The following DMD variants were observed in gnomAD, a reference collection of about 807,000 sequenced individuals.
DMD encodes the protein dystrophin.
Under a neutral mutation model 330.1 loss-of-function variants are expected in DMD, and 63 were observed. The ratio of observed to expected loss-of-function variants is 0.19; its 90% CI spans 0.16 to 0.24. The LOEUF (loss-of-function observed/expected upper bound fraction) is 0.24. DMD is among the 10% of genes least tolerant of loss of function. The pLI, the probability that DMD is intolerant of heterozygous loss-of-function variation, is 1.00. For synonymous variants in DMD, 1,223 were observed against 959.8 expected (o/e 1.27, Z -5.07); for missense variants, 3,344 against 2,684.1 (o/e 1.25, Z -5.43).
intron 44 of DMD, among the ~76,000 whole-genome samples, chrX:32,194,614 C>T (rs1388145660): frequency 9.0e-6 from 1 of 111,210 alleles, no homozygotes; most frequent in African/African-American, 3.3e-5. Flanking sequence ...GAGGGAATGA[C>T]TGCATTTCAT....
intron 53 of DMD, among the ~76,000 whole-genome samples, chrX:31,676,469 G>A (rs953458339): frequency 9.9e-5 from 11 of 110,645 alleles, no homozygotes; most frequent in South Asian, 3.8e-4. Flanking sequence ...ATTTTTTTTC[G>A]CAGTATACTA....
At chrX:32,463,366 C>A in intron 25 of DMD, 73 bp downstream of exon 25, 17 of 990,819 alleles carry the variant, frequency 1.7e-5, no homozygotes, top group Non-Finnish European at 2.0e-5. Context: ...CCAAAAGTAA[C>A]GGTGAAGGGA....
At chrX:32,385,513 AG>A (rs1429964858) in intron 33 of DMD, among the ~76,000 whole-genome samples, 1 of 111,008 alleles carries the variant, frequency 9.0e-6, no homozygotes, top group Non-Finnish European at 1.9e-5. Flanking sequence ...TGACTCCCAA[AG>A]CACAGGCAAC....
At chrX:31,357,063 G>A (rs150410017) in intron 60 of DMD, among the ~76,000 whole-genome samples, 394 of 109,632 alleles carry the variant, frequency 3.6e-3, no homozygotes, top group Non-Finnish European at 5.4e-3. Flanking sequence ...TGTATCTCAT[G>A]ATTTGCAACA....
At chrX:31,717,366 G>GA (rs11421027) in intron 52 of DMD, among the ~76,000 whole-genome samples, 15,237 of 110,742 alleles carry the variant, frequency 0.14, 918 homozygotes, top group Admixed American at 0.31. Context: ...CAGACATTAA[G>GA]AAAAAAATGA....
In DMD at chrX:31,121,434, GTGTGTGTA is replaced by G. The variant is rs761492552; in HGVS notation, c.*477_*484del. 2,678 of 107,065 alleles carry G rather than the reference GTGTGTGTA, an allele frequency of 0.025. 29 individuals are homozygous for G. Among genetic ancestry groups the G allele is most frequent in the Non-Finnish European group, 0.036 (2,053 of 57,552 alleles). The allele number at this position is 107,065 out of a possible 1,213,427, so 8.8% of individuals were successfully genotyped here. On this transcript the variant is annotated 3_prime_UTR_variant, in exon 79 of 79. Coordinates refer to ENST00000357033, the MANE Select transcript of DMD (RefSeq NM_004006.3). ...TGCGCTGCCTCAAAGTTTTGTGTGT[GTGTGTGTA>G]TGTGTGTGTGTGTGTGTTTGTTTTG...
chrX:32,929,396 T>G (rs760371854), intron 2 of DMD, among the ~76,000 whole-genome samples: 57 of 103,785 alleles, frequency 5.5e-4, no homozygotes, highest in African/African-American at 1.9e-3. Flanking sequence ...GAGGGTGACA[T>G]GCTGGAAAGA....
intron 1 of DMD, among the ~76,000 whole-genome samples, chrX:33,247,139 T>C (rs1322557852): frequency 3.6e-5 from 4 of 111,849 alleles, no homozygotes; most frequent in African/African-American, 1.3e-4. Flanking sequence ...CAGTTAAAGG[T>C]AGCTTGGGAG....
intron 1 of DMD, among the ~76,000 whole-genome samples, chrX:33,314,567 T>G (rs868595463): frequency 1.5e-5 from 1 of 65,612 alleles, no homozygotes; most frequent in African/African-American, 4.9e-5. Context: ...CTGTTTTTTT[T>G]TTGTTTTTTT....
chrX:32,626,617 T>C (rs2058361924), intron 11 of DMD, among the ~76,000 whole-genome samples: 1 of 104,773 alleles, frequency 9.5e-6, no homozygotes, highest in Admixed American at 9.9e-5. Flanking sequence ...ATAAGTAATT[T>C]TTAAAATCAA....
At chrX:32,519,187 G>A (rs1160416983) in intron 17 of DMD, among the ~76,000 whole-genome samples, 1 of 101,583 alleles carries the variant, frequency 9.8e-6, no homozygotes, top group South Asian at 4.7e-4. Context: ...GTATGAACCC[G>A]GAGGAAATTA....
chrX:32,069,923 T>G (rs145997086), intron 44 of DMD, among the ~76,000 whole-genome samples: 721 of 111,725 alleles, frequency 6.5e-3, no homozygotes, highest in Non-Finnish European at 0.01. Flanking sequence ...CACCCTAAAT[T>G]GACAAGGAGG....
intron 55 of DMD, among the ~76,000 whole-genome samples, chrX:31,612,031 A>G (rs778323853): frequency 1.8e-5 from 2 of 110,907 alleles, no homozygotes; most frequent in East Asian, 5.6e-4. Context: ...GTACATTAAT[A>G]TTATATTATT....
At chrX:32,932,379 T>C (rs1481883938) in intron 2 of DMD, among the ~76,000 whole-genome samples, 2 of 112,065 alleles carry the variant, frequency 1.8e-5, no homozygotes, top group African/African-American at 3.2e-5. Flanking sequence ...ATATTATATA[T>C]AGTTTCCGTA....
intron 2 of DMD, among the ~76,000 whole-genome samples, chrX:32,879,524 T>G (rs1253456454): frequency 8.9e-6 from 1 of 112,555 alleles, no homozygotes. Flanking sequence ...TACCAGTTAT[T>G]GACAAGTGAT....
At chrX:32,307,652 T>C (rs1328812076) in intron 42 of DMD, among the ~76,000 whole-genome samples, 1 of 111,762 alleles carries the variant, frequency 8.9e-6, no homozygotes, top group African/African-American at 3.2e-5. Context: ...GGATCATTTC[T>C]GCTTTTAGGA....
At chrX:31,394,597 C>G (rs1008358879) in intron 60 of DMD, among the ~76,000 whole-genome samples, 1 of 110,712 alleles carries the variant, frequency 9.0e-6, no homozygotes, top group Non-Finnish European at 1.9e-5. Flanking sequence ...AGTTTCGGAA[C>G]AGCCTGGCCA....
chrX:31,976,027 C>T, intron 44 of DMD, among the ~76,000 whole-genome samples: 1 of 110,732 alleles, frequency 9.0e-6, no homozygotes, highest in Non-Finnish European at 1.9e-5. Flanking sequence ...ATTAGCCAGA[C>T]ACTGTGGAAG....
At chrX:33,084,877 G>A (rs1014284831) in intron 1 of DMD, among the ~76,000 whole-genome samples, 1 of 111,020 alleles carries the variant, frequency 9.0e-6, no homozygotes, top group African/African-American at 3.3e-5. Context: ...AGTTAAGTTA[G>A]ATCTCTTTCA....
Sources: allele counts gnomAD v4.1 joint callset (sites outside exome capture counted in the v4.1 genomes callset), GRCh38; gene constraint gnomAD v4.1.1; transcripts MANE v1.5; gene names NCBI Gene and HGNC (gene_info 2026-07-23, HGNC 2026-07-21).